SETD5: variants seen among roughly 807,000 people sequenced by gnomAD.
SETD5 encodes SET domain containing 5.
SETD5 carries 44 observed loss-of-function variants against 153.3 expected under a neutral mutation model. The observed-to-expected ratio is 0.29, with a 90% CI of 0.23 to 0.37. SETD5 has a LOEUF of 0.37. Ranked by LOEUF, SETD5 falls within the 10% of genes least tolerant of loss-of-function variation. The probability of loss-of-function intolerance (pLI) is 1.00; values close to 1 mark genes in which losing one functional copy is unlikely to be tolerated. For synonymous variants in SETD5, 716 were observed against 645.2 expected (o/e 1.11, Z -1.66); for missense variants, 1,544 against 1,768.0 (o/e 0.87, Z 2.27).
intron 17 of SETD5, among the ~76,000 whole-genome samples, chr3:9,456,713 G>A (rs1056294191): frequency 5.3e-5 from 8 of 151,506 alleles, no homozygotes; most frequent in African/African-American, 1.5e-4. Flanking sequence ...GATGGCTCAC[G>A]CCTGTAATCC....
At chr3:9,468,709 G>C in intron 18 of SETD5, 1 of 640,188 alleles carries the variant, frequency 1.6e-6, no homozygotes, top group Non-Finnish European at 2.5e-6. Flanking sequence ...CTCAGTCACA[G>C]TAAGTTGAAT....
At position 9,441,622 on chromosome 3, in the gene SETD5, A is replaced by G. The variant is rs774004820; in HGVS notation, c.840A>G (p.Gln280=). 5 of 1,613,984 alleles carry G rather than the reference A, an allele frequency of 3.1e-6. No individual in the cohort carries two copies. Among genetic ancestry groups the G allele is most frequent in the South Asian group, 2.2e-5 (2 of 91,074 alleles). ...QLQLGRVTRV[Q]KHRKILRAAR... is the part of the protein sequence containing the mutation. ...AGCTGGGAAGAGTCACTCGTGTTCA[A>G]AAGCACCGGAAGATCCTGAGGGCTG... is the stretch of plus-strand genomic sequence containing the variant. Residue 280 remains glutamine, a synonymous_variant, in exon 9 of 23, where the codon CAA becomes CAG. Transcript: ENST00000402198.
intron 1 of SETD5, among the ~76,000 whole-genome samples, chr3:9,414,719 G>A (rs543413906): frequency 3.3e-5 from 5 of 151,932 alleles, no homozygotes; most frequent in African/African-American, 9.6e-5. Flanking sequence ...AAACTTAGAA[G>A]AAAAAACAAG....
chr3:9,403,647 A>T (rs945637267), intron 1 of SETD5, among the ~76,000 whole-genome samples: 1 of 151,688 alleles, frequency 6.6e-6, no homozygotes, highest in African/African-American at 2.4e-5. Context: ...CCTGGAGATT[A>T]CTCCCTCCCC....
chr3:9,406,364 A>G (rs948406442), intron 1 of SETD5, among the ~76,000 whole-genome samples: 1 of 152,316 alleles, frequency 6.6e-6, no homozygotes, highest in Middle Eastern at 3.4e-3. Flanking sequence ...TTATTTTCTC[A>G]ATTTCTATGG....
At position 9,474,432 on chromosome 3, in the gene SETD5, C is replaced by T. The variant is rs1328841786; in HGVS notation, c.3498-17C>T. The T allele has an allele frequency of 9.9e-6, 16 of 1,612,228 alleles. No individual in the cohort carries two copies. The highest frequency in any genetic ancestry group is 1.7e-5 in the Admixed American group (1 of 59,620). On this transcript the variant is annotated splice_polypyrimidine_tract_variant and intron_variant, in intron 20 of 22. Coordinates refer to ENST00000402198, the MANE Select transcript of SETD5 (RefSeq NM_001080517.3). ...TTAAGTCCTGTGGCTTGAACTTGCA[C>T]CCTGTTGCCTTTACAGGATGGTTCC... is the stretch of plus-strand genomic sequence containing the variant.
chr3:9,419,039 C>G lies in SETD5; in HGVS notation c.-176-5428C>G, dbSNP rs559383197. 1.5e-4 allele frequency among the ~76,000 whole-genome samples: 23 copies of G among 152,128 alleles called. No homozygotes were observed. In the East Asian group the frequency reaches 3.7e-3, roughly 25 times the overall value. ...ACGGGGTTTCATCATCTTGGCCAGG[C>G]TGGTCTCAAACTCCTGACCTCAGGT... On this transcript the variant is annotated intron_variant, in intron 1 of 22. Transcript: ENST00000402198.
At chr3:9,439,406 C>G (rs1322407214) in intron 7 of SETD5, among the ~76,000 whole-genome samples, 1 of 152,196 alleles carries the variant, frequency 6.6e-6, no homozygotes, top group African/African-American at 2.4e-5. Flanking sequence ...TGATAAGCAT[C>G]AGTGTTTTCT....
chr3:9,423,476 AC>A (rs985896247), intron 1 of SETD5, among the ~76,000 whole-genome samples: 13 of 152,138 alleles, frequency 8.5e-5, no homozygotes, highest in African/African-American at 3.1e-4. Context: ...GCATTCATTT[AC>A]CCCCTACTGT....
chr3:9,438,337 A>T (rs1250382451), intron 7 of SETD5, among the ~76,000 whole-genome samples: 1 of 152,112 alleles, frequency 6.6e-6, no homozygotes, highest in East Asian at 1.9e-4. Context: ...TAGACTTTGG[A>T]GGCAGATAAT....
intron 3 of SETD5, chr3:9,429,783 C>T: frequency 1.6e-6 from 2 of 1,253,872 alleles, no homozygotes; most frequent in South Asian, 2.6e-5. Context: ...GATTCCCCCT[C>T]TTGTCCTTTT....
chr3:9,414,659 G>A (rs1420054158), intron 1 of SETD5, among the ~76,000 whole-genome samples: 7 of 152,102 alleles, frequency 4.6e-5, no homozygotes, highest in Non-Finnish European at 7.4e-5. Context: ...CTAGTTCTCC[G>A]TAGTGTATTT....
At position 9,475,796 on chromosome 3, in the gene SETD5, C is replaced by G. The variant is rs1206721553; in HGVS notation, c.4034C>G (p.Ala1345Gly). 2 of 1,613,896 alleles carry G rather than the reference C, an allele frequency of 1.2e-6. No individual in the cohort carries two copies. The highest frequency in any genetic ancestry group is 4.5e-5 in the East Asian group (2 of 44,894). Residue 1345 changes from alanine (A) to glycine (G), a missense_variant, in exon 23 of 23, where the codon GCT becomes GGT. This residue lies in a region of SETD5 where 302 missense variants were observed against 277.6 expected (regional missense o/e 1.09). Transcript: ENST00000402198. ...LPRRSCPSSA[A>G]SPTLQGPSDS... ...AGGAGGAGCTGCCCTTCTAGTGCTG[C>G]TAGCCCTACCCTGCAGGGACCCTCA...
rs1410130213 is a variant in SETD5, at chr3:9,475,850, A to G, written c.4088A>G (p.Gln1363Arg). 1 of 1,614,014 alleles carries G rather than the reference A, an allele frequency of 6.2e-7. No homozygotes were observed. The highest frequency in any genetic ancestry group is 1.7e-5 in the Admixed American group (1 of 60,028). The part of the protein sequence containing the change: ...SDSPTSDSVS[Q>R]SSTGTLSSTS... ...TCGCCAACCTCAGATTCAGTTTCTC[A>G]GTCCAGCACAGGAACTCTGAGTTCC... Residue 1363 changes from glutamine to arginine, a missense_variant, in exon 23 of 23, where the codon CAG (glutamine) becomes CGG (arginine). Gln to Arg is a conservative substitution (Grantham distance 43). Around this residue, in one of 9 missense-constraint regions of SETD5, gnomAD observed 302 missense variants for 277.6 expected, o/e 1.09. Coordinates refer to ENST00000402198, the MANE Select transcript of SETD5 (RefSeq NM_001080517.3).
intron 3 of SETD5, chr3:9,432,424 T>C (rs865966718): frequency 6.2e-6 from 2 of 320,278 alleles, no homozygotes. Context: ...GTACTATATA[T>C]TGTATATCTT....
intron 17 of SETD5, among the ~76,000 whole-genome samples, chr3:9,464,029 G>A (rs2044278584): frequency 6.6e-6 from 1 of 152,212 alleles, no homozygotes; most frequent in Admixed American, 6.5e-5. Flanking sequence ...TCGGGAGGCT[G>A]AGGCAGGTGA....
At chr3:9,441,991 C>G in intron 9 of SETD5, 137 bp from the exon 10 acceptor site, 2 of 733,950 alleles carry the variant, frequency 2.7e-6, no homozygotes, top group Non-Finnish European at 4.5e-6. Flanking sequence ...CAAAAGCAGA[C>G]AAACGTGATG....
At chr3:9,451,501 C>T (rs1426521894) in intron 16 of SETD5, among the ~76,000 whole-genome samples, 4 of 152,166 alleles carry the variant, frequency 2.6e-5, no homozygotes, top group Non-Finnish European at 5.9e-5. Flanking sequence ...GGCTGGAGTG[C>T]AGTGGCATCA....
rs370566998 is a variant in SETD5 at position 9,412,387 on chromosome 3, G to GTTTTTTTT, written c.-176-12057_-176-12050dup. On this transcript the variant is annotated intron_variant, in intron 1 of 22. Transcript: ENST00000402198. Reference sequence around the variant, plus strand: ...AGCAAACTACAGTGCACAGTTTTGGGTTTTTTTTTTTTTTTTTTTTTTTTT... The same window carrying GTTTTTTTT: ...AGCAAACTACAGTGCACAGTTTTGGGTTTTTTTTTTTTTTTTTTTTTTTTTTTTTTTTT... Among the ~76,000 whole-genome samples, 60 of 89,540 alleles carry GTTTTTTTT rather than the reference G, an allele frequency of 6.7e-4. 2 individuals are homozygous for GTTTTTTTT. Among genetic ancestry groups the GTTTTTTTT allele is most frequent in the Non-Finnish European group, 8.5e-4 (37 of 43,716 alleles). 58.7% of individuals were successfully genotyped at this position (89,540 alleles called of 152,430 possible).
Sources: allele counts gnomAD v4.1 joint callset (sites outside exome capture counted in the v4.1 genomes callset), GRCh38; gene constraint gnomAD v4.1.1; regional missense constraint gnomAD v4.1.1; transcripts MANE v1.5; gene names NCBI Gene and HGNC (gene_info 2026-07-23, HGNC 2026-07-21).